The following TMTC2 variants were observed in gnomAD, a reference collection of about 807,000 sequenced individuals.
TMTC2 encodes the protein protein O-mannosyl-transferase TMTC2.
TMTC2 carries 43 observed loss-of-function variants against 82.4 expected under a neutral mutation model. The observed-to-expected ratio is 0.52, with a 90% confidence interval of 0.41 to 0.67. The LOEUF is 0.67. TMTC2 is among the 30% of genes least tolerant of loss of function. The pLI, the probability that TMTC2 is intolerant of heterozygous loss-of-function variation, is 0.00. For synonymous variants in TMTC2, 408 were observed against 381.9 expected, an observed-to-expected ratio of 1.07 and a Z score of -0.80; for missense variants, 919 against 1,012.4, an observed-to-expected ratio of 0.91 and a Z score of 1.25.
intron 1 of TMTC2, among the ~76,000 whole-genome samples, chr12:82,796,344 C>T (rs1019151076): frequency 6.6e-6 from 1 of 152,118 alleles, no homozygotes; most frequent in East Asian, 1.9e-4. Flanking sequence ...CTGTAATAGA[C>T]TGATACCCCA....
At chr12:82,838,211 G>A (rs891320940) in intron 1 of TMTC2, among the ~76,000 whole-genome samples, 1 of 152,176 alleles carries the variant, frequency 6.6e-6, no homozygotes, top group Non-Finnish European at 1.5e-5. Context: ...TGTGGGGACA[G>A]CATCAGTGTC....
chr12:82,923,822 A>T (rs1484324519), intron 3 of TMTC2, among the ~76,000 whole-genome samples: 1 of 152,198 alleles, frequency 6.6e-6, no homozygotes, highest in Non-Finnish European at 1.5e-5. Context: ...TGCCCCATCC[A>T]TGAGCCTTGG....
At chr12:82,968,753 A>ATGGT (rs1878326285) in intron 7 of TMTC2, among the ~76,000 whole-genome samples, 1 of 152,182 alleles carries the variant, frequency 6.6e-6, no homozygotes, top group Non-Finnish European at 1.5e-5. Flanking sequence ...TGTCTCTCAT[A>ATGGT]TGGTTACACA....
chr12:83,099,164 A>G (rs1018686171), intron 11 of TMTC2, among the ~76,000 whole-genome samples: 1 of 152,194 alleles, frequency 6.6e-6, no homozygotes, highest in Non-Finnish European at 1.5e-5. Context: ...TTTCAAATGA[A>G]TGAAATATAA....
intron 11 of TMTC2, among the ~76,000 whole-genome samples, chr12:83,072,059 G>A (rs764847789): frequency 3.3e-5 from 5 of 151,884 alleles, no homozygotes; most frequent in Non-Finnish European, 7.4e-5. Context: ...TTTGGATTTG[G>A]TTTGTTCTTG....
chr12:82,971,698 A>G (rs1002684480), intron 7 of TMTC2, among the ~76,000 whole-genome samples: 33 of 152,088 alleles, frequency 2.2e-4, no homozygotes, highest in African/African-American at 8.0e-4. Flanking sequence ...TCATCATGGT[A>G]ATATATCTCG....
chr12:83,125,383 A>G (rs1885071698), intron 11 of TMTC2, among the ~76,000 whole-genome samples: 1 of 152,240 alleles, frequency 6.6e-6, no homozygotes, highest in African/African-American at 2.4e-5. Context: ...AAATATGACC[A>G]TGTAGGTGAT....
intron 11 of TMTC2, among the ~76,000 whole-genome samples, chr12:83,121,708 T>C (rs1884953018): frequency 6.6e-6 from 1 of 151,996 alleles, no homozygotes; most frequent in Non-Finnish European, 1.5e-5. Flanking sequence ...TGTGGGGCCC[T>C]AGAACTCTTA....
At chr12:83,045,752 C>CACACACACACACACACACACACACAG (rs3223367) in intron 9 of TMTC2, among the ~76,000 whole-genome samples, 1 of 149,220 alleles carries the variant, frequency 6.7e-6, no homozygotes, top group African/African-American at 2.5e-5. Context: ...CACACACACA[C>CACACACACACACACACACACACACAG]CAGGAGTGTC....
At chr12:82,912,730 G>A (rs1210248357) in intron 3 of TMTC2, among the ~76,000 whole-genome samples, 2 of 152,010 alleles carry the variant, frequency 1.3e-5, no homozygotes, top group Admixed American at 6.5e-5. Context: ...TTGAGCCCAG[G>A]AGTTTGAGAC....
At chr12:82,968,939 G>C (rs985362404) in intron 7 of TMTC2, among the ~76,000 whole-genome samples, 3 of 152,046 alleles carry the variant, frequency 2.0e-5, no homozygotes, top group Non-Finnish European at 2.9e-5. Context: ...TTTTTTCTAC[G>C]ATTATGGTGG....
chr12:83,117,896 T>TTTTA (rs3069105), intron 11 of TMTC2, among the ~76,000 whole-genome samples: 3,813 of 149,048 alleles, frequency 0.026, 67 homozygotes, highest in African/African-American at 0.047. Context: ...TTCCTAAGTA[T>TTTTA]TTTATTTATT....
chr12:82,858,248 T>A (rs1288749110), intron 2 of TMTC2, among the ~76,000 whole-genome samples: 1 of 152,190 alleles, frequency 6.6e-6, no homozygotes, highest in East Asian at 1.9e-4. Flanking sequence ...CACAGAAGCA[T>A]TTTAGGATCC....
In TMTC2 at chr12:83,134,299, A is replaced by AT. The variant is rs2137579697; in HGVS notation, c.*1910_*1911insT. On this transcript the variant is annotated 3_prime_UTR_variant, in exon 12 of 12. Coordinates refer to ENST00000321196, the MANE Select transcript of TMTC2 (RefSeq NM_152588.3). ...AGTGCATTGGCAATTGCAAAAAAAA[A>AT]AAAGGAATTTAATATAAGGCTATAG... 6.5e-6 allele frequency: 1 copy of AT among 152,702 alleles called. No homozygotes were observed. Among genetic ancestry groups the AT allele is most frequent in the Non-Finnish European group, 1.5e-5 (1 of 68,028 alleles). 9.5% of individuals were successfully genotyped at this position (152,702 alleles called of 1,614,324 possible). A position where few individuals can be genotyped will look rare whatever the true frequency, so the allele number is the denominator to read the frequency against.
chr12:83,102,364 G>T (rs531367988), intron 11 of TMTC2, among the ~76,000 whole-genome samples: 1 of 152,294 alleles, frequency 6.6e-6, no homozygotes, highest in African/African-American at 2.4e-5. Context: ...ATGATAAAGG[G>T]AGAGGATAGT....
At chr12:82,787,825 C>T (rs1023093547) in intron 1 of TMTC2, among the ~76,000 whole-genome samples, 7 of 151,988 alleles carry the variant, frequency 4.6e-5, no homozygotes, top group Admixed American at 3.3e-4. Flanking sequence ...GCAGGAGAAT[C>T]GCTTGAACCT....
At chr12:82,863,564 T>C (rs1399641670) in intron 2 of TMTC2, among the ~76,000 whole-genome samples, 3 of 152,168 alleles carry the variant, frequency 2.0e-5, no homozygotes, top group Non-Finnish European at 4.4e-5. Context: ...TAATAAGATA[T>C]TGTATTCCTG....
chr12:83,039,448 T>G (rs1881805329), intron 9 of TMTC2, among the ~76,000 whole-genome samples: 1 of 150,432 alleles, frequency 6.6e-6, no homozygotes, highest in Non-Finnish European at 1.5e-5. Flanking sequence ...ATGAATATAT[T>G]ATATATTTGA....
At chr12:83,027,205 A>G (rs1250953631) in intron 8 of TMTC2, among the ~76,000 whole-genome samples, 1 of 152,172 alleles carries the variant, frequency 6.6e-6, no homozygotes, top group East Asian at 1.9e-4. Context: ...ACACCAGGAA[A>G]AATCTGCTGA....
Sources: gnomAD v4.1 joint callset for allele counts (sites outside exome capture counted in the v4.1 genomes callset) on GRCh38, gnomAD v4.1.1 for gene constraint, MANE v1.5 for transcripts, NCBI Gene and HGNC (gene_info 2026-07-23, HGNC 2026-07-21) for gene names.